ZZZ3: variants seen among roughly 807,000 people sequenced by gnomAD.
ZZZ3 encodes ZZ-type zinc finger-containing protein 3.
A neutral mutation model predicts 95.2 loss-of-function variants in ZZZ3; 22 were observed. That is an observed-to-expected ratio of 0.23 (90% CI 0.17 to 0.33). The LOEUF (loss-of-function observed/expected upper bound fraction) is 0.33, where lower values mean the gene tolerates loss of function less well. ZZZ3 is among the 10% of genes least tolerant of loss of function. ZZZ3 has a pLI of 1.00. For missense variants in ZZZ3, 885 were observed against 1,066.5 expected (o/e 0.83, Z 2.37); for synonymous variants, 335 against 358.9 (o/e 0.93, Z 0.75).
chr1:77,646,104 C>T (rs1669244606), intron 1 of ZZZ3, among the ~76,000 whole-genome samples: 1 of 152,100 alleles, frequency 6.6e-6, no homozygotes, highest in Non-Finnish European at 1.5e-5. Context: ...CTAGATTCTT[C>T]CTCCTAAATA....
intron 1 of ZZZ3, among the ~76,000 whole-genome samples, chr1:77,651,124 C>T (rs1296295075): frequency 2.0e-5 from 3 of 152,180 alleles, no homozygotes; most frequent in South Asian, 2.1e-4. Context: ...TGGCTCATCC[C>T]TGTAAACCCA....
At chr1:77,616,932 T>C (rs1421882254) in intron 5 of ZZZ3, among the ~76,000 whole-genome samples, 1 of 152,134 alleles carries the variant, frequency 6.6e-6, no homozygotes. Context: ...CCAATATATG[T>C]ACACTTACTT....
At chr1:77,640,599 T>G (rs1668693058) in intron 3 of ZZZ3, among the ~76,000 whole-genome samples, 1 of 110,818 alleles carries the variant, frequency 9.0e-6, no homozygotes, top group South Asian at 2.8e-4. Context: ...AAACTCAGTC[T>G]CAAAAAAAAA....
At chr1:77,650,875 T>C (rs1669742540) in intron 1 of ZZZ3, among the ~76,000 whole-genome samples, 1 of 152,168 alleles carries the variant, frequency 6.6e-6, no homozygotes, top group East Asian at 1.9e-4. Flanking sequence ...GAGATGTTGC[T>C]ATAGATTCTA....
intron 5 of ZZZ3, among the ~76,000 whole-genome samples, chr1:77,624,406 T>C (rs1667152358): frequency 6.6e-6 from 1 of 152,190 alleles, no homozygotes; most frequent in Non-Finnish European, 1.5e-5. Flanking sequence ...AACCCTTGTG[T>C]GCTCTGGGGA....
intron 3 of ZZZ3, chr1:77,640,897 A>G (rs1055316132): frequency 6.6e-6 from 1 of 152,218 alleles, no homozygotes; most frequent in East Asian, 1.9e-4. Context: ...GTAATATCTA[A>G]TATCTATAGA....
chr1:77,617,809 G>A (rs920145858), intron 5 of ZZZ3, among the ~76,000 whole-genome samples: 3 of 151,810 alleles, frequency 2.0e-5, no homozygotes, highest in Admixed American at 6.6e-5. Flanking sequence ...GCCAGGCGTG[G>A]TGACAAGCAC....
chr1:77,659,992 C>T (rs1383370807), intron 1 of ZZZ3, among the ~76,000 whole-genome samples: 1 of 151,914 alleles, frequency 6.6e-6, no homozygotes, highest in Non-Finnish European at 1.5e-5. Context: ...GCCACCACAC[C>T]CAGCTATTTT....
intron 5 of ZZZ3, among the ~76,000 whole-genome samples, chr1:77,589,506 T>C (rs1012775349): frequency 4.6e-5 from 7 of 152,038 alleles, no homozygotes; most frequent in Middle Eastern, 3.4e-3. Flanking sequence ...GGTGCAATCA[T>C]AGCTCACTGC....
intron 5 of ZZZ3, among the ~76,000 whole-genome samples, chr1:77,600,910 C>CT (rs1452629857): frequency 1.3e-5 from 2 of 152,160 alleles, no homozygotes; most frequent in Non-Finnish European, 2.9e-5. Context: ...TCAGACTAGA[C>CT]TGAGTTTTAA....
At chr1:77,640,600 CAA>C (rs78243648) in intron 3 of ZZZ3, among the ~76,000 whole-genome samples, 20 of 76,604 alleles carry the variant, frequency 2.6e-4, no homozygotes, top group Admixed American at 3.1e-4. Context: ...AACTCAGTCT[CAA>C]AAAAAAAAAA....
At chr1:77,616,251 G>T (rs1242453284) in intron 5 of ZZZ3, among the ~76,000 whole-genome samples, 2 of 152,076 alleles carry the variant, frequency 1.3e-5, no homozygotes, top group Non-Finnish European at 2.9e-5. Flanking sequence ...AGTTTCTAAT[G>T]CCCAAGAACA....
intron 6 of ZZZ3, 84 bp downstream of exon 6, chr1:77,584,433 T>C (rs1407978842): frequency 8.0e-6 from 11 of 1,371,434 alleles, no homozygotes; most frequent in East Asian, 4.7e-5. Context: ...AAAAAGTATA[T>C]ACCCATAAAA....
chr1:77,651,023 C>T (rs561201480), intron 1 of ZZZ3, among the ~76,000 whole-genome samples: 21 of 152,080 alleles, frequency 1.4e-4, no homozygotes, highest in Non-Finnish European at 2.6e-4. Flanking sequence ...GACATTGAAC[C>T]CCTACCTCAC....
At chr1:77,663,892 G>A (rs537619531) in intron 1 of ZZZ3, among the ~76,000 whole-genome samples, 1 of 152,062 alleles carries the variant, frequency 6.6e-6, no homozygotes, top group East Asian at 1.9e-4. Flanking sequence ...TGGGATTACA[G>A]GTGCGTGCCA....
intron 5 of ZZZ3, among the ~76,000 whole-genome samples, chr1:77,585,565 A>G (rs994776424): frequency 6.6e-6 from 1 of 152,228 alleles, no homozygotes; most frequent in African/African-American, 2.4e-5. Context: ...TTAAATCCTT[A>G]AAGTATAAGC....
At chr1:77,566,282 T>G in intron 13 of ZZZ3, 101 bp from the exon 14 acceptor site, 5 of 756,348 alleles carry the variant, frequency 6.6e-6, no homozygotes, top group Non-Finnish European at 8.6e-6. Context: ...ACATCTTCTC[T>G]TCTCTCTCCA....
At chr1:77,682,405 G>A (rs1330794031) in intron 1 of ZZZ3, among the ~76,000 whole-genome samples, 180 bp downstream of exon 1, 1 of 152,212 alleles carries the variant, frequency 6.6e-6, no homozygotes, top group Non-Finnish European at 1.5e-5. Flanking sequence ...TGCGTGGGGA[G>A]AAGGACCTGG....
At chr1:77,634,579 A>T (rs1258609466) in intron 4 of ZZZ3, among the ~76,000 whole-genome samples, 1 of 152,232 alleles carries the variant, frequency 6.6e-6, no homozygotes, top group Admixed American at 6.5e-5. Flanking sequence ...CTTACATTTA[A>T]GAAATCAAGA....
Sources: gnomAD v4.1 joint callset for allele counts (sites outside exome capture counted in the v4.1 genomes callset) on GRCh38, gnomAD v4.1.1 for gene constraint, MANE v1.5 for transcripts, NCBI Gene and HGNC (gene_info 2026-07-23, HGNC 2026-07-21) for gene names.